The following DENND5B variants were observed in gnomAD, a reference collection of about 807,000 sequenced individuals.
DENND5B encodes the protein DENN domain-containing protein 5B.
DENND5B carries 34 observed loss-of-function variants against 140.6 expected under a neutral mutation model. The ratio of observed to expected loss-of-function variants is 0.24; its 90% CI spans 0.18 to 0.32. The LOEUF is 0.32. DENND5B is among the 10% of genes least tolerant of loss of function. DENND5B has a pLI of 1.00. For missense variants in DENND5B, 1,142 were observed against 1,560.2 expected (o/e 0.73, Z 4.52); for synonymous variants, 551 against 562.1 (o/e 0.98, Z 0.28).
chr12:31,447,788 G>C lies in DENND5B; in HGVS notation c.1630-19C>G. On this transcript the variant is annotated intron_variant, in intron 5 of 20. Transcript: ENST00000389082. ...AGGAAGCCTGTAATGAGATAATTAG[G>C]AAATTATTAGTGCAAAGAGACCATC... The C allele has an allele frequency of 1.3e-6, 2 of 1,516,756 alleles. No individual in the cohort carries two copies. Among genetic ancestry groups the C allele is most frequent in the Non-Finnish European group, 1.8e-6 (2 of 1,112,026 alleles). 94.0% of individuals were successfully genotyped at this position (1,516,756 alleles called of 1,614,324 possible). A position where few individuals can be genotyped will look rare whatever the true frequency, so the allele number is the denominator to read the frequency against.
At chr12:31,522,915 C>T (rs1453807316) in intron 1 of DENND5B, among the ~76,000 whole-genome samples, 1 of 152,016 alleles carries the variant, frequency 6.6e-6, no homozygotes, top group Non-Finnish European at 1.5e-5. Context: ...TCCCTTAGAA[C>T]AACTTTTGTG....
chr12:31,400,846 T>TG (rs72079139), intron 15 of DENND5B, among the ~76,000 whole-genome samples: 2,317 of 24,576 alleles, frequency 0.094, 81 homozygotes, highest in East Asian at 0.13. Flanking sequence ...AGTTTTTTTT[T>TG]TTTGTTTTTT....
In DENND5B at chr12:31,426,499, G is replaced by A. The variant is rs1943241957; in HGVS notation, c.2107-75C>T. On this transcript the variant is annotated intron_variant, in intron 8 of 20. Transcript: ENST00000389082. ...AATCTTCTTAACCTTATACAAACAA[G>A]TGCAGAGACAAATGAAATGCAAAAA... The A allele has an allele frequency of 6.7e-6, 10 of 1,486,328 alleles. No individual in the cohort carries two copies. The East Asian group carries it at 1.2e-4, about 18-fold the overall frequency. The allele number at this position is 1,486,328 out of a possible 1,614,324, so 92.1% of individuals were successfully genotyped here.
At chr12:31,392,790 C>A (rs1250174625) in intron 17 of DENND5B, 94 bp from the exon 18 acceptor site, 1 of 1,230,496 alleles carries the variant, frequency 8.1e-7, no homozygotes, top group Non-Finnish European at 1.1e-6. Context: ...GCAGGAAATA[C>A]GTCATCAGAG....
rs557563454 is a variant in DENND5B at position 31,445,999 on chromosome 12, C to A, written c.1861+1539G>T. Among the ~76,000 whole-genome samples the A allele has an allele frequency of 2.7e-5, 4 of 147,874 alleles. No homozygotes were observed. In the East Asian group the frequency reaches 6.0e-4, roughly 22 times the overall value. Reference sequence around the variant, plus strand: ...ACTCCAGCCTAGGCAACAAGTGAGACCCTGTCTCAAAAGAAAAAAAAAAAA... The same window carrying A: ...ACTCCAGCCTAGGCAACAAGTGAGAACCTGTCTCAAAAGAAAAAAAAAAAA... On this transcript the variant is annotated intron_variant, in intron 6 of 20. Transcript: ENST00000389082.
intron 13 of DENND5B, among the ~76,000 whole-genome samples, chr12:31,412,600 C>T (rs534012140): frequency 3.9e-5 from 6 of 152,286 alleles, no homozygotes; most frequent in African/African-American, 7.2e-5. Flanking sequence ...TGCTTGCCCT[C>T]GGCTCATCTC....
At chr12:31,490,623 A>AAC (rs541414469) in intron 2 of DENND5B, among the ~76,000 whole-genome samples, 86 of 151,548 alleles carry the variant, frequency 5.7e-4, no homozygotes, top group African/African-American at 1.9e-3. Flanking sequence ...GAAAAAAAAA[A>AAC]AATTTTATTG....
chr12:31,430,542 GTGCC>G (rs1271414870), intron 8 of DENND5B, among the ~76,000 whole-genome samples: 7 of 145,650 alleles, frequency 4.8e-5, no homozygotes, highest in Non-Finnish European at 1.1e-4. Context: ...GGCGTGGTAC[GTGCC>G]TGTAGTCCCA....
chr12:31,522,849 A>C (rs1177022257), intron 1 of DENND5B, among the ~76,000 whole-genome samples: 1 of 152,012 alleles, frequency 6.6e-6, no homozygotes, highest in Non-Finnish European at 1.5e-5. Flanking sequence ...TTTAGGCAGG[A>C]GGGAGTGGGG....
chr12:31,514,092 C>T (rs1477500889), intron 1 of DENND5B, among the ~76,000 whole-genome samples: 1 of 149,884 alleles, frequency 6.7e-6, no homozygotes, highest in Non-Finnish European at 1.5e-5. Context: ...GCAATCCTCC[C>T]ACCTCAGCCT....
Position 31,577,426 on chromosome 12 carries a change from T to C in DENND5B, c.127+13280A>G, listed in dbSNP as rs78416203. On this transcript the variant is annotated intron_variant, in intron 1 of 20. Coordinates refer to ENST00000389082, the MANE Select transcript of DENND5B (RefSeq NM_144973.4). Reference sequence around the variant, plus strand: ...AAAATATTTAAACTTAAAAATATCTTTAGGCCGGGCACGGTGGCTCACGCC... The same window carrying C: ...AAAATATTTAAACTTAAAAATATCTCTAGGCCGGGCACGGTGGCTCACGCC... Among the ~76,000 whole-genome samples, 33 of 152,206 alleles carry C rather than the reference T, an allele frequency of 2.2e-4. No homozygotes were observed. In the East Asian group the frequency reaches 5.8e-3, roughly 27 times the overall value.
At chr12:31,528,578 G>A (rs980325545) in intron 1 of DENND5B, among the ~76,000 whole-genome samples, 3 of 152,122 alleles carry the variant, frequency 2.0e-5, no homozygotes, top group Admixed American at 1.3e-4. Flanking sequence ...TATTTTGAAG[G>A]GTGAGGCAAT....
intron 2 of DENND5B, among the ~76,000 whole-genome samples, chr12:31,493,095 C>T (rs984205708): frequency 6.6e-6 from 1 of 152,096 alleles, no homozygotes; most frequent in African/African-American, 2.4e-5. Flanking sequence ...CCAGTGTGAC[C>T]CATAACATTT....
chr12:31,402,067 T>G (rs1941823577), intron 15 of DENND5B, among the ~76,000 whole-genome samples: 1 of 86,008 alleles, frequency 1.2e-5, no homozygotes, highest in African/African-American at 3.5e-5. Flanking sequence ...CAAGATTCCG[T>G]CTCAAAAAAA....
intron 1 of DENND5B, among the ~76,000 whole-genome samples, chr12:31,556,545 G>A (rs1949288221): frequency 6.6e-6 from 1 of 152,092 alleles, no homozygotes; most frequent in Admixed American, 6.6e-5. Flanking sequence ...TATGACATCT[G>A]GGAATTTCAG....
At chr12:31,501,806 A>T (rs1018299039) in intron 1 of DENND5B, among the ~76,000 whole-genome samples, 12 of 151,650 alleles carry the variant, frequency 7.9e-5, no homozygotes, top group African/African-American at 2.9e-4. Flanking sequence ...AAAGAAATCT[A>T]AATAGAGTGT....
chr12:31,450,277 G>C (rs1233692718), intron 5 of DENND5B, among the ~76,000 whole-genome samples: 1 of 152,056 alleles, frequency 6.6e-6, no homozygotes, highest in Admixed American at 6.6e-5. Context: ...TCTGATGTGG[G>C]GAAAAACAAA....
At chr12:31,457,718 CTT>C (rs772159819) in intron 4 of DENND5B, among the ~76,000 whole-genome samples, 7 of 144,138 alleles carry the variant, frequency 4.9e-5, no homozygotes. Context: ...ATTTTCTTTT[CTT>C]TTTTTTTTTT....
At chr12:31,582,110 G>A (rs528811568) in intron 1 of DENND5B, among the ~76,000 whole-genome samples, 6 of 152,250 alleles carry the variant, frequency 3.9e-5, no homozygotes, top group African/African-American at 1.4e-4. Context: ...CCACAGATGT[G>A]GAACCCACAC....
Sources: gnomAD v4.1 joint callset for allele counts (sites outside exome capture counted in the v4.1 genomes callset) on GRCh38, gnomAD v4.1.1 for gene constraint, MANE v1.5 for transcripts, NCBI Gene and HGNC (gene_info 2026-07-23, HGNC 2026-07-21) for gene names.